The following KCNT1 variants were observed in gnomAD, a reference collection of about 807,000 sequenced individuals.
KCNT1 encodes the protein potassium sodium-activated channel subfamily T member 1, also known as potassium channel subfamily T member 1.
A neutral mutation model predicts 147.8 loss-of-function variants in KCNT1; 78 were observed. The ratio of observed to expected loss-of-function variants is 0.53; its 90% CI spans 0.44 to 0.64. The LOEUF is 0.64. Among genes scored for constraint, KCNT1 ranks in the 30% least tolerant of loss-of-function variants. The pLI is 0.00. For synonymous variants in KCNT1, 867 were observed against 748.8 expected, an observed-to-expected ratio of 1.16 and a Z score of -2.58; for missense variants, 1,419 against 1,750.3, an observed-to-expected ratio of 0.81 and a Z score of 3.38.
Position 135,786,182 on chromosome 9 carries a change from C to CCCTGCCCTGCCCAGT in KCNT1, c.3178-12_3180dup, listed in dbSNP as rs745609654. The CCCTGCCCTGCCCAGT allele has an allele frequency of 2.2e-5, 35 of 1,590,594 alleles. No individual in the cohort carries two copies. Among genetic ancestry groups the CCCTGCCCTGCCCAGT allele is most frequent in the Middle Eastern group, 1.7e-4 (1 of 6,016 alleles). Reference sequence around the variant, plus strand: ...CCTCACCCCTCCCCGCCCTGCCCTGCCCTGCCCTGCCCAGTCCCAGATCTC... The same window carrying CCCTGCCCTGCCCAGT: ...CCTCACCCCTCCCCGCCCTGCCCTGCCCTGCCCTGCCCAGTCCTGCCCTGCCCAGTCCCAGATCTC... On this transcript the variant is annotated splice_polypyrimidine_tract_variant and intron_variant, in intron 28 of 30. Transcript: ENST00000371757.
rs377224463 is a variant in KCNT1 at position 135,753,063 on chromosome 9, TAGAG to T, written c.435-873_435-870del. On this transcript the variant is annotated intron_variant, in intron 4 of 30. Transcript: ENST00000371757. ...GTAGATAGATGGATGAGTGGATGGA[TAGAG>T]GGATGGATGGATGAGTGGATGGATG... is the stretch of plus-strand genomic sequence containing the variant. Among the ~76,000 whole-genome samples the T allele has an allele frequency of 2.4e-4, 26 of 108,982 alleles. No homozygotes were observed. In the East Asian group the frequency reaches 3.5e-3, roughly 15 times the overall value. 71.5% of individuals were successfully genotyped at this position (108,982 alleles called of 152,430 possible). A position where few individuals can be genotyped will look rare whatever the true frequency, so the allele number is the denominator to read the frequency against.
rs989349541 is a variant in KCNT1, at chr9:135,792,396, G to A, written c.*235G>A. 2 of 463,420 alleles carry A rather than the reference G, an allele frequency of 4.3e-6. No individual in the cohort carries two copies. Among genetic ancestry groups the A allele is most frequent in the African/African-American group, 2.0e-5 (1 of 50,402 alleles). The allele number at this position is 463,420 out of a possible 1,614,324, so 28.7% of individuals were successfully genotyped here. A position where few individuals can be genotyped will look rare whatever the true frequency, so the allele number is the denominator to read the frequency against. ...TTTTAACCTATTTTTACACGTCGAT[G>A]CAGTCCACTTCTCTTTACACAGATG... On this transcript the variant is annotated 3_prime_UTR_variant, in exon 31 of 31. Transcript: ENST00000371757.
intron 27 of KCNT1, among the ~76,000 whole-genome samples, 191 bp downstream of exon 27, chr9:135,785,080 T>G (rs1833936013): frequency 6.6e-6 from 1 of 152,202 alleles, no homozygotes; most frequent in Non-Finnish European, 1.5e-5. Flanking sequence ...GTCTGGTCCG[T>G]GTGCCCACGT....
intron 28 of KCNT1, 82 bp downstream of exon 28, chr9:135,785,412 C>T (rs1833962789): frequency 7.2e-7 from 1 of 1,397,094 alleles, no homozygotes; most frequent in Non-Finnish European, 9.7e-7. Flanking sequence ...TGCCAGGCCC[C>T]ACCCACCCAC....
chr9:135,752,725 G>A lies in KCNT1; in HGVS notation c.435-1212G>A, dbSNP rs1381855812. 6.6e-6 allele frequency among the ~76,000 whole-genome samples: 1 copy of A among 151,524 alleles called. No homozygotes were observed. The highest frequency in any genetic ancestry group is 1.5e-5 in the Non-Finnish European group (1 of 67,870). ...TGGATGGATAGGTGGATGCATGGTG[G>A]GTAGATGGATGGATGGATGGAATAG... On this transcript the variant is annotated intron_variant, in intron 4 of 30. Transcript: ENST00000371757. The surrounding 1 kb of genome is among the most constrained non-coding windows in gnomAD (Gnocchi z 5.1).
At position 135,768,492 on chromosome 9, in the gene KCNT1, G is replaced by T. The variant is rs1443580230; in HGVS notation, c.1338-118G>T. The T allele has an allele frequency of 2.1e-5, 15 of 703,276 alleles. No homozygotes were observed. In the East Asian group the frequency reaches 3.8e-4, roughly 18 times the overall value. 43.6% of individuals were successfully genotyped at this position (703,276 alleles called of 1,614,324 possible). A position where few individuals can be genotyped will look rare whatever the true frequency, so the allele number is the denominator to read the frequency against. On this transcript the variant is annotated intron_variant, in intron 13 of 30. Coordinates refer to ENST00000371757, the MANE Select transcript of KCNT1 (RefSeq NM_020822.3). ...CCAGCCGTCCTCTCAGTCTCTTTCT[G>T]TGCACCTGCTGCACCAGCCTCCTCC...
Position 135,758,517 on chromosome 9 carries a change from C to T in KCNT1, c.854+9C>T, listed in dbSNP as rs370686981. ...TGCCTCGTTTTCACGGGGTGAGTGC[C>T]GGCCGTCAGTGTGAGCACCCCAGGA... On this transcript the variant is annotated intron_variant, in intron 10 of 30. Coordinates refer to ENST00000371757, the MANE Select transcript of KCNT1 (RefSeq NM_020822.3). 69 of 1,610,934 alleles carry T rather than the reference C, an allele frequency of 4.3e-5. 1 individual carries two copies. The highest frequency in any genetic ancestry group is 2.4e-4 in the African/African-American group (18 of 74,854).
At chr9:135,749,015 G>A (rs973640175) in intron 2 of KCNT1, among the ~76,000 whole-genome samples, 1 of 152,232 alleles carries the variant, frequency 6.6e-6, no homozygotes, top group African/African-American at 2.4e-5. Flanking sequence ...CGTTTAGGGG[G>A]ACATGTGCTC....
In KCNT1 at chr9:135,708,336, C is replaced by T. The variant is rs117188899; in HGVS notation, c.110+5968C>T. On this transcript the variant is annotated intron_variant, in intron 1 of 30. Transcript: ENST00000371757. ...CCATCCACACATGCATGCACATATT[C>T]GTACACATGCCTCTGCATGCAAATA... Among the ~76,000 whole-genome samples the T allele has an allele frequency of 3.0e-4, 45 of 152,348 alleles. 1 individual carries two copies. In the East Asian group the frequency reaches 8.5e-3, roughly 29 times the overall value.
intron 29 of KCNT1, chr9:135,787,954 C>A: frequency 1.5e-6 from 1 of 684,866 alleles, no homozygotes; most frequent in Non-Finnish European, 2.7e-6. Flanking sequence ...GAGCAACTGC[C>A]TTTCTGGTGA....
chr9:135,761,641 G>A (rs1831917050), intron 11 of KCNT1, among the ~76,000 whole-genome samples: 1 of 152,206 alleles, frequency 6.6e-6, no homozygotes, highest in Admixed American at 6.5e-5. Context: ...TCCGTCCCTG[G>A]TCCGCCCCGG....
chr9:135,772,872 G>A lies in KCNT1; in HGVS notation c.2166G>A (p.Leu722=), dbSNP rs374347802. 5.5e-4 allele frequency: 861 copies of A among 1,556,888 alleles called. 4 individuals are homozygous for A. Among genetic ancestry groups the A allele is most frequent in the South Asian group, 2.0e-3 (168 of 84,562 alleles). Residue 722 remains leucine (L), a synonymous_variant, in exon 19 of 31, where the codon CTG becomes CTA. Transcript: ENST00000371757. ...TGGAACTGGCCGACAGCTCAGCCCT[G>A]CTGCCCTGCGACCTGCTGAGCGACC... ...PVLELADSSA[L]LPCDLLSDQS...
chr9:135,790,241 C>T (rs1834391180), intron 29 of KCNT1: 1 of 152,260 alleles, frequency 6.6e-6, no homozygotes. Context: ...GCCCTCACCA[C>T]CCACTCCCTG....
chr9:135,747,729 G>A (rs1275604598), intron 2 of KCNT1, among the ~76,000 whole-genome samples: 1 of 152,086 alleles, frequency 6.6e-6, no homozygotes, highest in Non-Finnish European at 1.5e-5. Flanking sequence ...GGCACTCTGG[G>A]GGCAGACTGA....
intron 2 of KCNT1, among the ~76,000 whole-genome samples, chr9:135,727,232 A>T (rs1361182782): frequency 3.2e-3 from 29 of 9,000 alleles, no homozygotes; most frequent in East Asian, 4.6e-3. Flanking sequence ...TCTCTTTCCC[A>T]TTCTCTCTCC....
intron 2 of KCNT1, among the ~76,000 whole-genome samples, chr9:135,732,092 C>A (rs978532251): frequency 6.8e-6 from 1 of 147,620 alleles, no homozygotes; most frequent in Non-Finnish European, 1.5e-5. Context: ...GATATTTCAG[C>A]TCACTGCAAC....
rs1830403181 is a variant in KCNT1 at position 135,737,788 on chromosome 9, C to T, written c.255-12310C>T. Reference sequence around the variant, plus strand: ...CTGGCTGTGGGCTGTTGGGCCCCTCCCGGCACCCCCATTTCTAGCTCTTCA... The same window carrying T: ...CTGGCTGTGGGCTGTTGGGCCCCTCTCGGCACCCCCATTTCTAGCTCTTCA... On this transcript the variant is annotated intron_variant, in intron 2 of 30. Transcript: ENST00000371757. Among the ~76,000 whole-genome samples, 3 of 152,042 alleles carry T rather than the reference C, an allele frequency of 2.0e-5. No homozygotes were observed. In the South Asian group the frequency reaches 6.2e-4, roughly 32 times the overall value.
chr9:135,737,997 G>A (rs999975104), intron 2 of KCNT1, among the ~76,000 whole-genome samples: 2 of 152,188 alleles, frequency 1.3e-5, no homozygotes, highest in East Asian at 1.9e-4. Flanking sequence ...ATGCTGGCGT[G>A]GGGGGAAGGG....
At chr9:135,783,963 G>GCTGCCGTGC in intron 24 of KCNT1, 61 bp from the exon 25 acceptor site, 1 of 1,320,960 alleles carries the variant, frequency 7.6e-7, no homozygotes, top group Non-Finnish European at 1.1e-6. Flanking sequence ...CGACCCCGTG[G>GCTGCCGTGC]CTGCCGTGCC....
Sources: allele counts gnomAD v4.1 joint callset (sites outside exome capture counted in the v4.1 genomes callset), GRCh38; gene constraint gnomAD v4.1.1; non-coding constraint Gnocchi (gnomAD v3.1); transcripts MANE v1.5; gene names NCBI Gene and HGNC (gene_info 2026-07-23, HGNC 2026-07-21).